The following ALB variants were observed in gnomAD, a reference collection of about 807,000 sequenced individuals.
The protein encoded by ALB is serum albumin.
ALB carries 37 observed loss-of-function variants against 74.5 expected under a neutral mutation model. The ratio of observed to expected loss-of-function variants is 0.50; its 90% confidence interval spans 0.38 to 0.65. ALB has a LOEUF of 0.65. Among genes scored for constraint, ALB ranks in the 30% least tolerant of loss-of-function variants. The pLI is 0.00. For synonymous variants in ALB, 249 were observed against 251.6 expected, an observed-to-expected ratio of 0.99 and a Z score of 0.10; for missense variants, 685 against 718.7, an observed-to-expected ratio of 0.95 and a Z score of 0.54.
Position 73,416,306 on chromosome 4 carries a change from A to G in ALB, c.1242A>G (p.Gln414=), listed in dbSNP as rs1315327179. The G allele has an allele frequency of 6.2e-7, 1 of 1,613,732 alleles. No homozygotes were observed. Among genetic ancestry groups the G allele is most frequent in the South Asian group, 1.1e-5 (1 of 91,078 alleles). The part of the protein sequence containing the change: ...LVEEPQNLIK[Q]NCELFEQLGE... ...AAGAGCCTCAGAATTTAATCAAACA[A>G]AATTGTGAGCTTTTTGAGCAGCTTG... Residue 414 remains glutamine (Q), a synonymous_variant, in exon 10 of 15, where the codon CAA becomes CAG. Transcript: ENST00000295897.
chr4:73,406,029 A>G (rs1262318712), intron 2 of ALB, among the ~76,000 whole-genome samples: 1 of 152,154 alleles, frequency 6.6e-6, no homozygotes, highest in East Asian at 1.9e-4. Flanking sequence ...TGGAAGGCTG[A>G]TGCAGGAGGA....
Position 73,404,422 on chromosome 4 carries a change from T to C in ALB, c.79+16T>C. On this transcript the variant is annotated intron_variant, in intron 1 of 14. Coordinates refer to ENST00000295897, the MANE Select transcript of ALB (RefSeq NM_000477.7). ...CGAGATGCACGTAAGAAATCCATTT[T>C]TCTATTGTTCAACTTTTATTCTATT... The C allele has an allele frequency of 6.3e-7, 1 of 1,589,542 alleles. No homozygotes were observed. Among genetic ancestry groups the C allele is most frequent in the Non-Finnish European group, 8.6e-7 (1 of 1,157,852 alleles).
At chr4:73,409,547 G>T in intron 5 of ALB, 60 bp downstream of exon 5, 1 of 1,611,054 alleles carries the variant, frequency 6.2e-7, no homozygotes, top group South Asian at 1.1e-5. Flanking sequence ...TGTCCATTTT[G>T]TGGCTAGATT....
Position 73,416,245 on chromosome 4 carries a change from TTA to T in ALB, c.1192-9_1192-8del. 6.2e-7 allele frequency: 1 copy of T among 1,608,844 alleles called. No individual in the cohort carries two copies. ...GCATAATACTATTAACACAATTCTT[TTA>T]TGTTTCAGTTCGATGAATTTAAACC... On this transcript the variant is annotated splice_polypyrimidine_tract_variant and intron_variant, in intron 9 of 14. Transcript: ENST00000295897.
At chr4:73,406,881 T>A in intron 3 of ALB, 120 bp downstream of exon 3, 1 of 1,211,214 alleles carries the variant, frequency 8.3e-7, no homozygotes, top group Non-Finnish European at 1.2e-6. Flanking sequence ...TAAGAAACAC[T>A]AAAAAGTTGC....
intron 10 of ALB, 41 bp downstream of exon 10, chr4:73,416,394 A>G: frequency 2.0e-6 from 3 of 1,481,288 alleles, no homozygotes; most frequent in Non-Finnish European, 2.8e-6. Flanking sequence ...ATCAATTTGT[A>G]ATTATTTAAG....
chr4:73,415,052 CA>C lies in ALB; in HGVS notation c.1078del (p.Arg360GlufsTer12). ...VFLGMFLYEY[A>X]RRHPDYSVVL... is the part of the protein sequence containing the mutation. ...TTAATTAGGTTTTTGTATGAATATGCAAGAAGGCATCCTGATTACTCTGTCG... is the reference window on the plus strand; with the variant it reads ...TTAATTAGGTTTTTGTATGAATATGCAGAAGGCATCCTGATTACTCTGTCG... On this transcript the variant is annotated frameshift_variant, in exon 9 of 15. Coordinates refer to ENST00000295897, the MANE Select transcript of ALB (RefSeq NM_000477.7). LOFTEE classifies it high-confidence loss of function. The C allele has an allele frequency of 1.2e-6, 2 of 1,614,018 alleles. No individual in the cohort carries two copies. Among genetic ancestry groups the C allele is most frequent in the African/African-American group, 1.3e-5 (1 of 75,024 alleles).
In ALB at chr4:73,415,106, A is replaced by T; in HGVS notation, c.1130A>T (p.Tyr377Phe). ...VVLLLRLAKT[Y>F]ETTLEKCCAA... ...CTGCTGCTGAGACTTGCCAAGACAT[A>T]TGAAACCACTCTAGAGAAGTGCTGT... Residue 377 changes from tyrosine to phenylalanine, a missense_variant, in exon 9 of 15, where the codon TAT (tyrosine) becomes TTT (phenylalanine). Coordinates refer to ENST00000295897, the MANE Select transcript of ALB (RefSeq NM_000477.7). 6.2e-7 allele frequency: 1 copy of T among 1,614,196 alleles called. No homozygotes were observed. Among genetic ancestry groups the T allele is most frequent in the South Asian group, 1.1e-5 (1 of 91,090 alleles).
At chr4:73,411,808 C>T (rs1198092089) in intron 6 of ALB, among the ~76,000 whole-genome samples, 188 bp from the exon 7 acceptor site, 1 of 152,192 alleles carries the variant, frequency 6.6e-6, no homozygotes, top group African/African-American at 2.4e-5. Context: ...ACCACACACA[C>T]TCTTAAATGG....
intron 6 of ALB, among the ~76,000 whole-genome samples, chr4:73,411,721 C>G (rs538730230): frequency 6.6e-6 from 1 of 152,304 alleles, no homozygotes; most frequent in Admixed American, 6.5e-5. Context: ...GACTCCAAAC[C>G]TGATGCTTCT....
chr4:73,405,034 T>A, intron 1 of ALB, 82 bp from the exon 2 acceptor site: 1 of 1,357,994 alleles, frequency 7.4e-7, no homozygotes, highest in Non-Finnish European at 1.0e-6. Context: ...CTAAGTCAAA[T>A]GGAAAGAAAT....
chr4:73,406,485 G>A (rs187882334), intron 2 of ALB, 144 bp from the exon 3 acceptor site: 39 of 819,040 alleles, frequency 4.8e-5, no homozygotes, highest in Middle Eastern at 3.5e-4. Context: ...GATCATACCT[G>A]ATATGAATAG....
chr4:73,419,552 G>A lies in ALB; in HGVS notation c.1698G>A (p.Glu566=). 6.2e-7 allele frequency: 1 copy of A among 1,613,640 alleles called. No homozygotes were observed. The highest frequency in any genetic ancestry group is 8.5e-7 in the Non-Finnish European group (1 of 1,179,894). ...AACACAAGCCCAAGGCAACAAAAGA[G>A]CAACTGAAAGCTGTTATGGATGATT... ...LVKHKPKATK[E]QLKAVMDDFA... Residue 566 remains glutamate, a synonymous_variant, in exon 13 of 15, where the codon GAG becomes GAA. Transcript: ENST00000295897.
chr4:73,419,324 C>T, intron 12 of ALB, 183 bp from the exon 13 acceptor site: 2 of 639,668 alleles, frequency 3.1e-6, no homozygotes, highest in Non-Finnish European at 5.3e-6. Flanking sequence ...TTATTATCCT[C>T]ATCATGCAGA....
At chr4:73,415,257 A>G in intron 9 of ALB, 90 bp downstream of exon 9, 2 of 1,457,028 alleles carry the variant, frequency 1.4e-6, no homozygotes, top group Non-Finnish European at 9.6e-7. Context: ...AAAATGATAT[A>G]CAGTGCAATT....
In ALB at chr4:73,409,374, A is replaced by G; in HGVS notation, c.502A>G (p.Arg168Gly). Residue 168 changes from arginine to glycine, a missense_variant, in exon 5 of 15, where the codon AGA becomes GGA. Physicochemically the swap from Arg to Gly is moderately radical, Grantham distance 125. Transcript: ENST00000295897. ...FLKKYLYEIARRHPYFYAPEL... is the reference protein window; with the variant it reads ...FLKKYLYEIAGRHPYFYAPEL... ...ATTTAGATACTTATATGAAATTGCC[A>G]GAAGACATCCTTACTTTTATGCCCC... 6.2e-7 allele frequency: 1 copy of G among 1,613,890 alleles called. No homozygotes were observed. The highest frequency in any genetic ancestry group is 8.5e-7 in the Non-Finnish European group (1 of 1,179,800).
rs1371161985 is a variant in ALB at position 73,410,329 on chromosome 4, T to C, written c.633T>C (p.Asp211=). The C allele has an allele frequency of 6.2e-7, 1 of 1,613,856 alleles. No homozygotes were observed. The highest frequency in any genetic ancestry group is 2.2e-5 in the East Asian group (1 of 44,858). The change falls in exon 6 of 15, where the codon GAT becomes GAC. Residue 211 remains aspartate, a synonymous_variant. Coordinates refer to ENST00000295897, the MANE Select transcript of ALB (RefSeq NM_000477.7). Reference sequence around the variant, plus strand: ...TTTTGTAGCTCGATGAACTTCGGGATGAAGGGAAGGCTTCGTCTGCCAAAC... The same window carrying C: ...TTTTGTAGCTCGATGAACTTCGGGACGAAGGGAAGGCTTCGTCTGCCAAAC... The part of the protein sequence containing the change: ...CLLPKLDELR[D]EGKASSAKQR...
At chr4:73,417,704 G>GA (rs1163159728) in intron 11 of ALB, 35 bp downstream of exon 11, 1 of 1,492,780 alleles carries the variant, frequency 6.7e-7, no homozygotes, top group Non-Finnish European at 9.0e-7. Flanking sequence ...AATTAATAAT[G>GA]AAAAAATTTT....
At position 73,405,111 on chromosome 4, in the gene ALB, C is replaced by A; in HGVS notation, c.80-5C>A. On this transcript the variant is annotated splice_polypyrimidine_tract_variant and splice_region_variant and intron_variant, in intron 1 of 14. Transcript: ENST00000295897. ...AACAATCCTTTTTTTTCTTCCCTTG[C>A]CCAGACAAGAGTGAGGTTGCTCATC... 6.2e-7 allele frequency: 1 copy of A among 1,613,056 alleles called. No individual in the cohort carries two copies. The highest frequency in any genetic ancestry group is 2.2e-5 in the East Asian group (1 of 44,816).
Sources: gnomAD v4.1 joint callset for allele counts (sites outside exome capture counted in the v4.1 genomes callset) on GRCh38, gnomAD v4.1.1 for gene constraint, MANE v1.5 for transcripts, NCBI Gene and HGNC (gene_info 2026-07-23, HGNC 2026-07-21) for gene names.